CSMD1: variants seen among roughly 807,000 people sequenced by gnomAD.
The protein encoded by CSMD1 is CUB and sushi domain-containing protein 1.
Under a neutral mutation model 417.5 loss-of-function variants are expected in CSMD1, and 213 were observed. That is an observed-to-expected ratio of 0.51 (90% CI 0.46 to 0.57). The LOEUF is 0.57. Among genes scored for constraint, CSMD1 ranks in the 20% least tolerant of loss-of-function variants. The pLI is 0.00. For synonymous variants in CSMD1, 2,862 were observed against 1,736.8 expected (o/e 1.65, Z -16.11); for missense variants, 6,923 against 4,529.7 (o/e 1.53, Z -15.17).
At chr8:4,457,342 G>T (rs995483283) in intron 2 of CSMD1, among the ~76,000 whole-genome samples, 1 of 152,114 alleles carries the variant, frequency 6.6e-6, no homozygotes, top group Admixed American at 6.6e-5. Flanking sequence ...GGACACCGGA[G>T]AGGGGTTTGC....
chr8:4,111,087 T>G (rs886304139), intron 3 of CSMD1, among the ~76,000 whole-genome samples: 2 of 152,172 alleles, frequency 1.3e-5, no homozygotes, highest in Non-Finnish European at 2.9e-5. Flanking sequence ...AGAAATCTAG[T>G]ATCTTTCAAG....
intron 1 of CSMD1, among the ~76,000 whole-genome samples, chr8:4,670,086 C>A (rs544820070): frequency 1.3e-5 from 2 of 152,280 alleles, no homozygotes; most frequent in South Asian, 4.1e-4. Flanking sequence ...GGTGCCCCCA[C>A]GTCCACAAGT....
At chr8:4,105,277 G>A (rs552170018) in intron 3 of CSMD1, among the ~76,000 whole-genome samples, 337 of 152,214 alleles carry the variant, frequency 2.2e-3, no homozygotes, top group African/African-American at 7.6e-3. Flanking sequence ...CTGTAAGGTG[G>A]AATTTTCATT....
chr8:4,986,833 T>C (rs959215581), intron 1 of CSMD1, among the ~76,000 whole-genome samples: 13 of 152,184 alleles, frequency 8.5e-5, no homozygotes, highest in African/African-American at 2.9e-4. Context: ...TAGTATATTC[T>C]TCATGAAATC....
chr8:3,383,498 G>C (rs554062985), intron 18 of CSMD1, among the ~76,000 whole-genome samples: 1 of 147,772 alleles, frequency 6.8e-6, no homozygotes, highest in Non-Finnish European at 1.5e-5. Context: ...TCCACACTAG[G>C]AAAACCTCAT....
At chr8:3,185,967 C>G (rs1821730011) in intron 36 of CSMD1, among the ~76,000 whole-genome samples, 1 of 151,802 alleles carries the variant, frequency 6.6e-6, no homozygotes, top group African/African-American at 2.4e-5. Context: ...ATTTGTCTAG[C>G]TATATTTTAC....
In CSMD1 at chr8:3,035,408, G is replaced by A. The variant is rs989707645; in HGVS notation, c.7661-5895C>T. ...TTGCAAGTTACAGAGGAGCAAGGAA[G>A]CCCAGGCTCACCCCAACCAAGCCAG... On this transcript the variant is annotated intron_variant, in intron 50 of 69. Coordinates refer to ENST00000635120, the MANE Select transcript of CSMD1 (RefSeq NM_033225.6). Among the ~76,000 whole-genome samples the A allele has an allele frequency of 3.9e-5, 6 of 152,096 alleles. No individual in the cohort carries two copies. The East Asian group carries it at 7.7e-4, about 20-fold the overall frequency.
intron 3 of CSMD1, among the ~76,000 whole-genome samples, chr8:4,250,738 C>A (rs1050597723): frequency 6.6e-6 from 1 of 151,996 alleles, no homozygotes; most frequent in Non-Finnish European, 1.5e-5. Context: ...AGAAAGTTTG[C>A]AAAGAAAAAC....
chr8:4,445,243 T>C (rs75416039), intron 2 of CSMD1, among the ~76,000 whole-genome samples: 1,974 of 152,282 alleles, frequency 0.013, 46 homozygotes, highest in African/African-American at 0.046. Context: ...ATTTTTCTCT[T>C]GTTCTCTTTC....
At chr8:4,409,095 TA>T in intron 3 of CSMD1, among the ~76,000 whole-genome samples, 1 of 152,220 alleles carries the variant, frequency 6.6e-6, no homozygotes, top group East Asian at 1.9e-4. Context: ...AAGCCTTTTT[TA>T]AAGTTTAGCA....
chr8:4,102,465 C>A (rs902569544), intron 3 of CSMD1, among the ~76,000 whole-genome samples: 38 of 152,142 alleles, frequency 2.5e-4, no homozygotes, highest in Admixed American at 2.5e-3. Context: ...CAGTTTCAGG[C>A]AGATATCAAA....
chr8:3,512,592 A>G (rs1185608360), intron 10 of CSMD1, among the ~76,000 whole-genome samples: 2 of 139,828 alleles, frequency 1.4e-5, no homozygotes, highest in African/African-American at 2.8e-5. Context: ...GCTTACTTTA[A>G]TTTTTTTCTT....
In CSMD1 at chr8:4,515,483, G is replaced by C. The variant is rs182218086; in HGVS notation, c.303-95418C>G. On this transcript the variant is annotated intron_variant, in intron 2 of 69. Coordinates refer to ENST00000635120, the MANE Select transcript of CSMD1 (RefSeq NM_033225.6). ...TGATCTGGATTTAAAAGAACGTCTA[G>C]AAATATGAGCTTAAAGAAATACACG... Among the ~76,000 whole-genome samples, 320 of 152,238 alleles carry C rather than the reference G, an allele frequency of 2.1e-3. 3 individuals are homozygous for C. The highest frequency in any genetic ancestry group is 7.5e-3 in the African/African-American group (312 of 41,544).
chr8:4,070,271 A>C (rs938468259), intron 3 of CSMD1, among the ~76,000 whole-genome samples: 2 of 152,182 alleles, frequency 1.3e-5, no homozygotes, highest in East Asian at 1.9e-4. Context: ...CAAACTCTAA[A>C]ACATAATGTT....
rs1454132859 is a variant in CSMD1, at chr8:4,981,028, T to C, written c.85+13304A>G. Among the ~76,000 whole-genome samples the C allele has an allele frequency of 2.6e-5, 4 of 152,218 alleles. No homozygotes were observed. The East Asian group carries it at 7.7e-4, about 29-fold the overall frequency. On this transcript the variant is annotated intron_variant, in intron 1 of 69. Transcript: ENST00000635120. ...TTATTTCACTTAGAGAAGGTTGACA[T>C]AGTTAGAAGAAACCAAACAAGATTC...
At chr8:3,070,213 G>GT (rs924605869) in intron 49 of CSMD1, among the ~76,000 whole-genome samples, 3 of 152,230 alleles carry the variant, frequency 2.0e-5, no homozygotes, top group Non-Finnish European at 4.4e-5. Context: ...TTTCCCCATT[G>GT]TTTTGGAATA....
At position 2,936,295 on chromosome 8, in the gene CSMD1, G is replaced by C. The variant is rs1801459640; in HGVS notation, c.*2290C>G. On this transcript the variant is annotated 3_prime_UTR_variant, in exon 70 of 70. Coordinates refer to ENST00000635120, the MANE Select transcript of CSMD1 (RefSeq NM_033225.6). ...ACCAGGGAGCAGGTCAGGGATATGGGAACAGAGATGTTAATTCAGACTCTG... is the reference window on the plus strand; with the variant it reads ...ACCAGGGAGCAGGTCAGGGATATGGCAACAGAGATGTTAATTCAGACTCTG... 2 of 151,638 alleles carry C rather than the reference G, an allele frequency of 1.3e-5. No homozygotes were observed. Among genetic ancestry groups the C allele is most frequent in the African/African-American group, 4.8e-5 (2 of 41,248 alleles). The allele number at this position is 151,638 out of a possible 1,614,324, so 9.4% of individuals were successfully genotyped here.
In CSMD1 at chr8:3,470,747, T is replaced by TA. The variant is rs531754685; in HGVS notation, c.1449-1924dup. On this transcript the variant is annotated intron_variant, in intron 11 of 69. Transcript: ENST00000635120. Reference sequence around the variant, plus strand: ...AGTATCCATCTCTAAATTATTTATTTAAAAAAATCATACAAATGAAATCAC... The same window carrying TA: ...AGTATCCATCTCTAAATTATTTATTTAAAAAAAATCATACAAATGAAATCAC... Among the ~76,000 whole-genome samples, 176 of 152,278 alleles carry TA rather than the reference T, an allele frequency of 1.2e-3. 1 individual carries two copies. Among genetic ancestry groups the TA allele is most frequent in the Non-Finnish European group, 1.6e-3 (109 of 68,028 alleles).
At chr8:4,102,736 G>A (rs992927714) in intron 3 of CSMD1, among the ~76,000 whole-genome samples, 3 of 152,120 alleles carry the variant, frequency 2.0e-5, no homozygotes, top group Non-Finnish European at 4.4e-5. Flanking sequence ...ACAAGATATT[G>A]GAAGCAGATA....
Sources: gnomAD v4.1 joint callset for allele counts (sites outside exome capture counted in the v4.1 genomes callset) on GRCh38, gnomAD v4.1.1 for gene constraint, MANE v1.5 for transcripts, NCBI Gene and HGNC (gene_info 2026-07-23, HGNC 2026-07-21) for gene names.